The following DNAH5 variants were observed in gnomAD, a reference collection of about 807,000 sequenced individuals.
DNAH5 encodes the protein axonemal beta dynein heavy chain 5.
A neutral mutation model predicts 518.2 loss-of-function variants in DNAH5; 372 were observed. The ratio of observed to expected loss-of-function variants is 0.72; its 90% CI spans 0.66 to 0.78. The LOEUF (loss-of-function observed/expected upper bound fraction) is 0.78, where lower values mean the gene tolerates loss of function less well. DNAH5 is among the 30% of genes least tolerant of loss of function. The pLI is 0.00. For missense variants in DNAH5, 5,523 were observed against 5,687.0 expected, an observed-to-expected ratio of 0.97 and a Z score of 0.93; for synonymous variants, 2,039 against 2,025.9, an observed-to-expected ratio of 1.01 and a Z score of -0.17.
At chr5:13,810,892 T>C (rs1243699279) in intron 44 of DNAH5, among the ~76,000 whole-genome samples, 1 of 152,016 alleles carries the variant, frequency 6.6e-6, no homozygotes, top group Non-Finnish European at 1.5e-5. Context: ...GGGAGTACTA[T>C]TCAGCCATAA....
intron 78 of DNAH5, among the ~76,000 whole-genome samples, chr5:13,698,102 C>T (rs1423950020): frequency 1.3e-5 from 2 of 152,200 alleles, no homozygotes; most frequent in African/African-American, 2.4e-5. Flanking sequence ...TGGTGCCCCT[C>T]TCTGTCTCAC....
chr5:13,866,160 T>C (rs1001229905), intron 26 of DNAH5, 60 bp downstream of exon 26: 1 of 1,494,816 alleles, frequency 6.7e-7, no homozygotes, highest in Non-Finnish European at 9.3e-7. Flanking sequence ...AAAACATATG[T>C]GTGTTTAAAA....
chr5:13,766,998 A>G (rs187348659), intron 58 of DNAH5, among the ~76,000 whole-genome samples: 12 of 149,998 alleles, frequency 8.0e-5, no homozygotes, highest in Admixed American at 6.7e-4. Context: ...ACAGTAACCA[A>G]TGACCTTCAC....
At position 13,770,810 on chromosome 5, in the gene DNAH5, T is replaced by A; in HGVS notation, c.9544A>T (p.Ile3182Phe). Residue 3182 changes from isoleucine to phenylalanine, a missense_variant, in exon 56 of 79, where the codon ATT becomes TTT. By Grantham distance (21) the Ile-to-Phe change is conservative. Around this residue, in one of 3 missense-constraint regions of DNAH5, gnomAD observed 5,121 missense variants for 5,223.3 expected, o/e 0.98. Coordinates refer to ENST00000265104, the MANE Select transcript of DNAH5 (RefSeq NM_001369.3). ...HVTPKSYLSFIQGYKFIYGEK... is the reference protein window; with the variant it reads ...HVTPKSYLSFFQGYKFIYGEK... The stretch of plus-strand genomic sequence containing the variant: ...CCATATATGAACTTATAGCCCTGAA[T>A]AAAGGAGAGGTATGATTTGGGCGTC... The A allele has an allele frequency of 1.2e-6, 2 of 1,614,054 alleles. No individual in the cohort carries two copies. Among genetic ancestry groups the A allele is most frequent in the African/African-American group, 1.3e-5 (1 of 75,032 alleles).
At chr5:13,722,838 C>A (rs1291410230) in intron 70 of DNAH5, among the ~76,000 whole-genome samples, 1 of 152,198 alleles carries the variant, frequency 6.6e-6, no homozygotes, top group Non-Finnish European at 1.5e-5. Context: ...AAGAGGCATG[C>A]CAACTTTGTA....
chr5:13,928,198 A>G lies in DNAH5; in HGVS notation c.193-20T>C. The stretch of plus-strand genomic sequence containing the variant: ...TTCAATCTGGGAAAAAGAAAAAGGC[A>G]AGATAATGATTTTCAATCCAAATTA... On this transcript the variant is annotated intron_variant, in intron 2 of 78. Coordinates refer to ENST00000265104, the MANE Select transcript of DNAH5 (RefSeq NM_001369.3). The G allele has an allele frequency of 6.3e-7, 1 of 1,592,008 alleles. No homozygotes were observed. Among genetic ancestry groups the G allele is most frequent in the Non-Finnish European group, 8.6e-7 (1 of 1,160,154 alleles).
intron 16 of DNAH5, among the ~76,000 whole-genome samples, chr5:13,893,316 G>T (rs1773513570): frequency 6.6e-6 from 1 of 152,108 alleles, no homozygotes; most frequent in African/African-American, 2.4e-5. Context: ...CCAGGAAGAG[G>T]TATCCAGAAA....
chr5:13,844,694 C>A, intron 32 of DNAH5, 143 bp downstream of exon 32: 1 of 1,022,814 alleles, frequency 9.8e-7, no homozygotes, highest in South Asian at 1.3e-5. Flanking sequence ...AATTGGGCCC[C>A]GAGATTTGTT....
At chr5:13,937,295 T>A (rs920786097) in intron 1 of DNAH5, among the ~76,000 whole-genome samples, 1 of 149,364 alleles carries the variant, frequency 6.7e-6, no homozygotes, top group South Asian at 2.2e-4. Flanking sequence ...CATACAAGGG[T>A]TATACGAGGA....
chr5:13,697,645 A>T (rs1009136384), intron 78 of DNAH5, among the ~76,000 whole-genome samples: 2 of 152,150 alleles, frequency 1.3e-5, no homozygotes, highest in African/African-American at 2.4e-5. Context: ...TTCCACGTCT[A>T]CCTGAAGAAC....
At position 13,901,659 on chromosome 5, in the gene DNAH5, T is replaced by C. The variant is rs546319990; in HGVS notation, c.1731-86A>G. ...TAAAAATATCTAGTAATCTCATTTA[T>C]TAATATTTATTTTTTAAAATGCTAA... On this transcript the variant is annotated intron_variant, in intron 13 of 78. Transcript: ENST00000265104. The C allele has an allele frequency of 2.1e-4, 168 of 787,682 alleles. 1 individual carries two copies. In the African/African-American group the frequency reaches 2.6e-3, roughly 12 times the overall value. The allele number at this position is 787,682 out of a possible 1,614,324, so 48.8% of individuals were successfully genotyped here.
chr5:13,868,860 T>A (rs1306044774), intron 24 of DNAH5, among the ~76,000 whole-genome samples: 1 of 151,936 alleles, frequency 6.6e-6, no homozygotes, highest in Non-Finnish European at 1.5e-5. Flanking sequence ...GCTCATAATG[T>A]GTGTGTGTGT....
intron 56 of DNAH5, among the ~76,000 whole-genome samples, chr5:13,769,857 A>C (rs1012910994): frequency 2.0e-5 from 3 of 152,248 alleles, no homozygotes; most frequent in African/African-American, 7.2e-5. Flanking sequence ...ACGACATGAA[A>C]TTAGGAACGA....
In DNAH5 at chr5:13,824,279, C is replaced by T. The variant is rs1762612519; in HGVS notation, c.6499G>A (p.Ala2167Thr). ...NILSVLRTLG[A>T]AKRANPMDTE... ...TCCATTGGATTGGCTCTTTTTGCTG[C>T]TCCCAAGGTCCGAAGAACTGACAGA... Residue 2167 changes from alanine to threonine, a missense_variant, in exon 39 of 79, where the codon GCA becomes ACA. Ala to Thr is a moderately conservative substitution (Grantham distance 58). This residue lies in a region of DNAH5 where 5,121 missense variants were observed against 5,223.3 expected (regional missense o/e 0.98). Coordinates refer to ENST00000265104, the MANE Select transcript of DNAH5 (RefSeq NM_001369.3). The T allele has an allele frequency of 6.2e-7, 1 of 1,614,054 alleles. No individual in the cohort carries two copies. Among genetic ancestry groups the T allele is most frequent in the Non-Finnish European group, 8.5e-7 (1 of 1,179,982 alleles).
chr5:13,929,180 TACA>T (rs764167862), intron 2 of DNAH5, among the ~76,000 whole-genome samples: 31 of 152,316 alleles, frequency 2.0e-4, no homozygotes, highest in African/African-American at 3.6e-4. Context: ...TGGCACATGC[TACA>T]ACATGGATGA....
At chr5:13,969,712 G>C (rs1781750954) in intron 1 of DNAH5, among the ~76,000 whole-genome samples, 1 of 152,114 alleles carries the variant, frequency 6.6e-6, no homozygotes, top group Non-Finnish European at 1.5e-5. Flanking sequence ...ATCAAGACTT[G>C]TTTTGTGGCC....
chr5:13,852,955 T>G (rs1767102813), intron 30 of DNAH5, among the ~76,000 whole-genome samples: 1 of 152,160 alleles, frequency 6.6e-6, no homozygotes, highest in South Asian at 2.1e-4. Flanking sequence ...TCAGAAGACT[T>G]AAACATTCCT....
At chr5:13,903,903 A>T (rs1007794192) in intron 12 of DNAH5, among the ~76,000 whole-genome samples, 4 of 152,120 alleles carry the variant, frequency 2.6e-5, no homozygotes, top group African/African-American at 7.2e-5. Context: ...AGAGGGAGAG[A>T]TACGATTACT....
At chr5:13,863,821 A>G (rs1768825028) in intron 28 of DNAH5, among the ~76,000 whole-genome samples, 1 of 152,136 alleles carries the variant, frequency 6.6e-6, no homozygotes, top group Non-Finnish European at 1.5e-5. Flanking sequence ...CCATTGCTCG[A>G]TAACATCATG....
Sources: gnomAD v4.1 joint callset for allele counts (sites outside exome capture counted in the v4.1 genomes callset) on GRCh38, gnomAD v4.1.1 for gene constraint, gnomAD v4.1.1 regional missense constraint, MANE v1.5 for transcripts, NCBI Gene and HGNC (gene_info 2026-07-23, HGNC 2026-07-21) for gene names.